Variants in GPRC5A observed in about 807,000 individuals in gnomAD.
GPRC5A encodes retinoic acid-induced protein 3.
A neutral mutation model predicts 22.5 loss-of-function variants in GPRC5A; 19 were observed. The ratio of observed to expected loss-of-function variants is 0.85; its 90% CI spans 0.59 to 1.24. The LOEUF is 1.24. Among genes scored for constraint, GPRC5A ranks in the 50% most tolerant of loss-of-function variants. The pLI is 0.00. For missense variants in GPRC5A, 471 were observed against 451.1 expected (o/e 1.04, Z -0.40); for synonymous variants, 192 against 184.5 (o/e 1.04, Z -0.33).
rs1028995611 is a variant in GPRC5A, at chr12:12,917,463, T to C, written c.*4924T>C. 3.3e-5 allele frequency: 5 copies of C among 152,082 alleles called. No individual in the cohort carries two copies. The highest frequency in any genetic ancestry group is 1.2e-4 in the African/African-American group (5 of 41,406). The allele number at this position is 152,082 out of a possible 1,614,324, so 9.4% of individuals were successfully genotyped here. A position where few individuals can be genotyped will look rare whatever the true frequency, so the allele number is the denominator to read the frequency against. On this transcript the variant is annotated 3_prime_UTR_variant, in exon 4 of 4. Coordinates refer to ENST00000014914, the MANE Select transcript of GPRC5A (RefSeq NM_003979.4). ...ACTAGATCAGGGTTTTGGGTCTGTG[T>C]TCTTTCTACCGTCAGCACCTGTGTG...
chr12:12,905,677 C>T (rs765699886), intron 1 of GPRC5A, among the ~76,000 whole-genome samples: 6 of 152,102 alleles, frequency 3.9e-5, no homozygotes, highest in African/African-American at 4.8e-5. Flanking sequence ...TTCTCTTTTT[C>T]GATTTCCCAA....
intron 3 of GPRC5A, 35 bp downstream of exon 3, chr12:12,912,177 A>C: frequency 2.1e-6 from 3 of 1,405,844 alleles, no homozygotes; most frequent in Non-Finnish European, 3.0e-6. Context: ...CATCAAAGGC[A>C]TTAGCACCTC....
intron 1 of GPRC5A, among the ~76,000 whole-genome samples, chr12:12,904,883 GGT>G (rs1491140180): frequency 7.2e-5 from 8 of 111,330 alleles, no homozygotes; most frequent in African/African-American, 2.9e-4. Context: ...AAAATTTTGT[GGT>G]TTTTTTTTTT....
At chr12:12,900,923 A>AAAAAAAAAAAAAAAAAAAAAAAC (rs1555104732) in intron 1 of GPRC5A, among the ~76,000 whole-genome samples, 1 of 109,880 alleles carries the variant, frequency 9.1e-6, no homozygotes, top group Non-Finnish European at 1.9e-5. Context: ...ACAAAAAAAA[A>AAAAAAAAAAAAAAAAAAAAAAAC]ACAACCCAGA....
chr12:12,909,392 A>C, intron 2 of GPRC5A: 1 of 501,520 alleles, frequency 2.0e-6, no homozygotes, highest in Admixed American at 3.7e-5. Flanking sequence ...TACTTTGTAC[A>C]ATTGGTGTAG....
At position 12,917,245 on chromosome 12, in the gene GPRC5A, T is replaced by TGTGC. The variant is rs1565467196; in HGVS notation, c.*4709_*4710insCGTG. 1 of 85,288 alleles carries TGTGC rather than the reference T, an allele frequency of 1.2e-5. No individual in the cohort carries two copies. The highest frequency in any genetic ancestry group is 4.4e-5 in the African/African-American group (1 of 22,944). 5.3% of individuals were successfully genotyped at this position (85,288 alleles called of 1,614,324 possible). A position where few individuals can be genotyped will look rare whatever the true frequency, so the allele number is the denominator to read the frequency against. On this transcript the variant is annotated 3_prime_UTR_variant, in exon 4 of 4. Transcript: ENST00000014914. ...GTGTGTGTGTGTGTGTGTGTGTGTG[T>TGTGC]GTGTGTGCGTGCGTGCGTGTATGTG...
intron 1 of GPRC5A, among the ~76,000 whole-genome samples, chr12:12,894,969 AG>A (rs1485567737): frequency 6.6e-6 from 1 of 151,466 alleles, no homozygotes; most frequent in Admixed American, 6.6e-5. Flanking sequence ...TAGCAGAGAC[AG>A]GGTTTCACCG....
chr12:12,896,768 C>G (rs1317051291), intron 1 of GPRC5A, among the ~76,000 whole-genome samples: 2 of 152,162 alleles, frequency 1.3e-5, no homozygotes, highest in Non-Finnish European at 2.9e-5. Flanking sequence ...CTCACGCCAC[C>G]TTCCTATCTT....
rs142201347 is a variant in GPRC5A at position 12,908,615 on chromosome 12, C to T, written c.366C>T (p.Leu122=). The change falls in exon 2 of 4, where the codon CTC becomes CTT. Residue 122 remains leucine (L), a synonymous_variant. Transcript: ENST00000014914. ...LLAHAVSLTK[L]VRGRKPLSLL... ...CTCATGCTGTCAGTCTGACCAAGCTCGTCCGGGGGAGGAAGCCCCTTTCCC... is the reference window on the plus strand; with the variant it reads ...CTCATGCTGTCAGTCTGACCAAGCTTGTCCGGGGGAGGAAGCCCCTTTCCC... The T allele has an allele frequency of 6.3e-5, 101 of 1,614,018 alleles. No homozygotes were observed. In the African/African-American group the frequency reaches 8.9e-4, roughly 14 times the overall value.
chr12:12,901,112 G>C (rs961381589), intron 1 of GPRC5A, among the ~76,000 whole-genome samples: 1 of 152,012 alleles, frequency 6.6e-6, no homozygotes, highest in African/African-American at 2.4e-5. Flanking sequence ...AGAGGGTCTC[G>C]TCCTCATACT....
Position 12,917,339 on chromosome 12 carries a change from CA to C in GPRC5A, c.*4805del. 1 of 151,804 alleles carries C rather than the reference CA, an allele frequency of 6.6e-6. No homozygotes were observed. Among genetic ancestry groups the C allele is most frequent in the Non-Finnish European group, 1.5e-5 (1 of 68,018 alleles). 9.4% of individuals were successfully genotyped at this position (151,804 alleles called of 1,614,324 possible). On this transcript the variant is annotated 3_prime_UTR_variant, in exon 4 of 4. Coordinates refer to ENST00000014914, the MANE Select transcript of GPRC5A (RefSeq NM_003979.4). ...CCTTCAAAGTGGAACAGTCCAGTGC[CA>C]AAAATTTTAGAGTTTGAGAAGGTCA...
intron 1 of GPRC5A, among the ~76,000 whole-genome samples, chr12:12,904,987 C>G (rs1863926813): frequency 1.3e-5 from 2 of 150,542 alleles, no homozygotes; most frequent in Admixed American, 6.6e-5. Flanking sequence ...CGGGTTCAAG[C>G]AATTCTTCTG....
At chr12:12,893,190 C>T (rs146844458) in intron 1 of GPRC5A, among the ~76,000 whole-genome samples, 2 of 152,326 alleles carry the variant, frequency 1.3e-5, no homozygotes, top group Non-Finnish European at 2.9e-5. Flanking sequence ...CTGAGTTCCT[C>T]ATAGGGGTCT....
chr12:12,917,371 A>C lies in GPRC5A; in HGVS notation c.*4832A>C, dbSNP rs1000855250. ...TTTAGAGTTTGAGAAGGTCACAGAA[A>C]TCCTCTAGTTGGTGCCTCCACAGTC... On this transcript the variant is annotated 3_prime_UTR_variant, in exon 4 of 4. Coordinates refer to ENST00000014914, the MANE Select transcript of GPRC5A (RefSeq NM_003979.4). The C allele has an allele frequency of 2.6e-5, 4 of 152,048 alleles. No homozygotes were observed. The highest frequency in any genetic ancestry group is 9.7e-5 in the African/African-American group (4 of 41,402). 9.4% of individuals were successfully genotyped at this position (152,048 alleles called of 1,614,324 possible).
intron 1 of GPRC5A, among the ~76,000 whole-genome samples, chr12:12,899,758 C>T (rs1260885672): frequency 6.6e-6 from 1 of 152,028 alleles, no homozygotes; most frequent in Non-Finnish European, 1.5e-5. Context: ...TGTAGCAATT[C>T]GAGAATAGAG....
chr12:12,908,713 T>C lies in GPRC5A; in HGVS notation c.464T>C (p.Leu155Pro), dbSNP rs145527334. 5.0e-5 allele frequency: 81 copies of C among 1,614,178 alleles called. No homozygotes were observed. In the African/African-American group the frequency reaches 8.1e-4, roughly 16 times the overall value. Reference protein sequence around the residue: ...QDVIAIEYIVLTMNRTNVNVF... With the variant: ...QDVIAIEYIVPTMNRTNVNVF... ...GTTATCGCTATTGAATATATTGTCC[T>C]GACCATGAATAGGACCAACGTCAAT... is the stretch of plus-strand genomic sequence containing the variant. Residue 155 changes from leucine to proline, a missense_variant, in exon 2 of 4, where the codon CTG becomes CCG. Leu to Pro is a moderately conservative substitution (Grantham distance 98, BLOSUM62 -3). Coordinates refer to ENST00000014914, the MANE Select transcript of GPRC5A (RefSeq NM_003979.4).
Position 12,912,105 on chromosome 12 carries a change from C to T in GPRC5A, c.944C>T (p.Thr315Met), listed in dbSNP as rs114605528. ...TCAGGTTTTGAAGAGACAGGGGACA[C>T]GCTCTATGCCCCCTATTCCACACAT... ...ITQGFEETGD[T>M]LYAPYSTHFQ... is the part of the protein sequence containing the mutation. Residue 315 changes from threonine to methionine, a missense_variant, in exon 3 of 4, where the codon ACG (threonine) becomes ATG (methionine). Thr to Met is a moderately conservative substitution (Grantham distance 81). Coordinates refer to ENST00000014914, the MANE Select transcript of GPRC5A (RefSeq NM_003979.4). 4.0e-4 allele frequency: 653 copies of T among 1,612,906 alleles called. 1 individual carries two copies. In the African/African-American group the frequency reaches 7.2e-3, roughly 18 times the overall value.
chr12:12,915,811 CG>C lies in GPRC5A; in HGVS notation c.*3274del. 3.9e-6 allele frequency: 2 copies of C among 511,040 alleles called. No individual in the cohort carries two copies. The highest frequency in any genetic ancestry group is 1.2e-3 in the Middle Eastern group (2 of 1,736). The allele number at this position is 511,040 out of a possible 1,614,324, so 31.7% of individuals were successfully genotyped here. A position where few individuals can be genotyped will look rare whatever the true frequency, so the allele number is the denominator to read the frequency against. Reference sequence around the variant, plus strand: ...GATTACAGGCATGAGCCACCGCGCCCGGCCCCGTTGTTTCCCTTCTAAGAAA... The same window carrying C: ...GATTACAGGCATGAGCCACCGCGCCCGCCCCGTTGTTTCCCTTCTAAGAAA... On this transcript the variant is annotated 3_prime_UTR_variant, in exon 4 of 4. Coordinates refer to ENST00000014914, the MANE Select transcript of GPRC5A (RefSeq NM_003979.4).
chr12:12,901,808 C>G (rs541135250), intron 1 of GPRC5A, among the ~76,000 whole-genome samples: 1 of 149,918 alleles, frequency 6.7e-6, no homozygotes, highest in East Asian at 2.0e-4. Flanking sequence ...AGGACCTCTA[C>G]GTCAAGTGAA....
Sources: allele counts gnomAD v4.1 joint callset (sites outside exome capture counted in the v4.1 genomes callset), GRCh38; gene constraint gnomAD v4.1.1; transcripts MANE v1.5; gene names NCBI Gene and HGNC (gene_info 2026-07-23, HGNC 2026-07-21).